Variants in UBB observed in about 807,000 individuals in gnomAD.
UBB encodes the protein polyubiquitin-B.
Under a neutral mutation model 12.5 loss-of-function variants are expected in UBB, and 11 were observed. The observed-to-expected ratio is 0.88, with a 90% CI of 0.55 to 1.45. The LOEUF (loss-of-function observed/expected upper bound fraction) is 1.45, where lower values mean the gene tolerates loss of function less well. UBB is among the 40% of genes most tolerant of loss of function. The pLI is 0.00. For synonymous variants in UBB, 168 were observed against 120.1 expected, an observed-to-expected ratio of 1.40 and a Z score of -2.61; for missense variants, 76 against 286.9, an observed-to-expected ratio of 0.26 and a Z score of 5.31.
Position 16,381,954 on chromosome 17 carries a change from A to G in UBB, c.47A>G (p.Glu16Gly). Residue 16 changes from glutamate to glycine, a missense_variant, in exon 2 of 2, where the codon GAG becomes GGG. Transcript: ENST00000302182. ...CTTACCGGCAAGACCATCACCCTTGAGGTGGAGCCCAGTGACACCATCGAA... is the reference window on the plus strand; with the variant it reads ...CTTACCGGCAAGACCATCACCCTTGGGGTGGAGCCCAGTGACACCATCGAA... ...KTLTGKTITL[E>G]VEPSDTIENV... 1 of 1,614,236 alleles carries G rather than the reference A, an allele frequency of 6.2e-7. No homozygotes were observed. Among genetic ancestry groups the G allele is most frequent in the Non-Finnish European group, 8.5e-7 (1 of 1,180,044 alleles).
chr17:16,381,593 A>T (rs1013885114), intron 1 of UBB: 4 of 422,320 alleles, frequency 9.5e-6, no homozygotes, highest in Admixed American at 3.7e-5. Context: ...TTTGCCTAAC[A>T]CCGTGCTTAG....
chr17:16,382,447 C>A lies in UBB; in HGVS notation c.540C>A (p.Ala180=). Residue 180 remains alanine, a synonymous_variant, in exon 2 of 2, where the codon GCC becomes GCA. Coordinates refer to ENST00000302182, the MANE Select transcript of UBB (RefSeq NM_018955.4). The part of the protein sequence containing the change: ...EPSDTIENVK[A]KIQDKEGIPP... ...GTGACACCATCGAAAATGTGAAGGCCAAGATCCAAGATAAAGAAGGCATCC... is the reference window on the plus strand; with the variant it reads ...GTGACACCATCGAAAATGTGAAGGCAAAGATCCAAGATAAAGAAGGCATCC... 6.2e-7 allele frequency: 1 copy of A among 1,611,230 alleles called. No homozygotes were observed. The highest frequency in any genetic ancestry group is 8.5e-7 in the Non-Finnish European group (1 of 1,179,426).
chr17:16,381,558 C>G, intron 1 of UBB: 1 of 295,526 alleles, frequency 3.4e-6, no homozygotes, highest in Non-Finnish European at 6.4e-6. Context: ...TTTCGCGAGT[C>G]TTGTGGGTTT....
rs145568298 is a variant in UBB at position 16,382,066 on chromosome 17, C to T, written c.159C>T (p.Gly53=). ...LIFAGKQLED[G]RTLSDYNIQK... ...TTGCAGGCAAGCAGCTGGAAGATGGCCGTACTCTTTCTGACTACAACATCC... is the reference window on the plus strand; with the variant it reads ...TTGCAGGCAAGCAGCTGGAAGATGGTCGTACTCTTTCTGACTACAACATCC... Residue 53 remains glycine (G), a synonymous_variant, in exon 2 of 2, where the codon GGC becomes GGT. Transcript: ENST00000302182. The T allele has an allele frequency of 1.4e-4, 230 of 1,609,824 alleles. No homozygotes were observed. Among genetic ancestry groups the T allele is most frequent in the Admixed American group, 4.7e-4 (28 of 59,240 alleles).
rs1336311155 is a variant in UBB at position 16,382,002 on chromosome 17, A to G, written c.95A>G (p.Asp32Gly). 6.2e-7 allele frequency: 1 copy of G among 1,613,178 alleles called. No individual in the cohort carries two copies. The highest frequency in any genetic ancestry group is 1.3e-5 in the African/African-American group (1 of 74,810). Residue 32 changes from aspartate to glycine, a missense_variant, in exon 2 of 2, where the codon GAT (aspartate) becomes GGT (glycine). Transcript: ENST00000302182. ...TIENVKAKIQDKEGIPPDQQR... is the reference protein window; with the variant it reads ...TIENVKAKIQGKEGIPPDQQR... ...GAAAATGTGAAGGCCAAGATCCAGG[A>G]TAAGGAAGGCATTCCCCCCGACCAG... is the stretch of plus-strand genomic sequence containing the variant.
Position 16,382,249 on chromosome 17 carries a change from C to G in UBB, c.342C>G (p.Pro114=), listed in dbSNP as rs757399321. Residue 114 remains proline, a synonymous_variant, in exon 2 of 2, where the codon CCC becomes CCG. Transcript: ENST00000302182. Reference sequence around the variant, plus strand: ...TCCAGGATAAAGAAGGCATCCCTCCCGACCAGCAGAGGCTCATCTTTGCAG... The same window carrying G: ...TCCAGGATAAAGAAGGCATCCCTCCGGACCAGCAGAGGCTCATCTTTGCAG... ...AKIQDKEGIP[P]DQQRLIFAGK... The G allele has an allele frequency of 5.0e-6, 8 of 1,610,302 alleles. No homozygotes were observed. In the East Asian group the frequency reaches 1.6e-4, roughly 31 times the overall value.
rs2142925947 is a variant in UBB at position 16,382,240 on chromosome 17, C to T, written c.333C>T (p.Gly111=). The change falls in exon 2 of 2, where the codon GGC becomes GGT. Residue 111 remains glycine, a synonymous_variant. Coordinates refer to ENST00000302182, the MANE Select transcript of UBB (RefSeq NM_018955.4). Reference sequence around the variant, plus strand: ...AGGCCAAGATCCAGGATAAAGAAGGCATCCCTCCCGACCAGCAGAGGCTCA... The same window carrying T: ...AGGCCAAGATCCAGGATAAAGAAGGTATCCCTCCCGACCAGCAGAGGCTCA... The part of the protein sequence containing the change: ...NVKAKIQDKE[G]IPPDQQRLIF... 1.2e-6 allele frequency: 2 copies of T among 1,611,278 alleles called. No individual in the cohort carries two copies. Among genetic ancestry groups the T allele is most frequent in the Non-Finnish European group, 1.7e-6 (2 of 1,179,560 alleles).
intron 1 of UBB, 92 bp from the exon 2 acceptor site, chr17:16,381,810 G>A (rs2093276454): frequency 1.1e-5 from 16 of 1,447,620 alleles, no homozygotes; most frequent in Non-Finnish European, 1.5e-5. Flanking sequence ...GCATTTTGAA[G>A]GAATAGTTGC....
At chr17:16,380,877 G>A (rs1264350159), upstream of UBB, 2 of 153,838 alleles carry the variant, frequency 1.3e-5, no homozygotes, top group African/African-American at 4.8e-5. Context: ...CCTAAAGAAG[G>A]AAGAGAAGCG....
chr17:16,381,079 C>A (rs1781331162), upstream of UBB: 2 of 153,458 alleles, frequency 1.3e-5, no homozygotes, highest in African/African-American at 4.8e-5. Context: ...TTGCGCTCCG[C>A]CAGCCCGGAG....
At position 16,382,453 on chromosome 17, in the gene UBB, C is replaced by G; in HGVS notation, c.546C>G (p.Ile182Met). ...CCATCGAAAATGTGAAGGCCAAGAT[C>G]CAAGATAAAGAAGGCATCCCCCCCG... is the stretch of plus-strand genomic sequence containing the variant. ...SDTIENVKAK[I>M]QDKEGIPPDQ... Residue 182 changes from isoleucine (I) to methionine (M), a missense_variant, in exon 2 of 2, where the codon ATC becomes ATG. Physicochemically the swap from Ile to Met is conservative, Grantham distance 10 (BLOSUM62 1). Transcript: ENST00000302182. 1 of 1,611,390 alleles carries G rather than the reference C, an allele frequency of 6.2e-7. No individual in the cohort carries two copies. The highest frequency in any genetic ancestry group is 1.1e-5 in the South Asian group (1 of 90,974).
At position 16,381,982 on chromosome 17, in the gene UBB, T is replaced by C. The variant is rs1338440835; in HGVS notation, c.75T>C (p.Asn25=). The change falls in exon 2 of 2, where the codon AAT becomes AAC. Residue 25 remains asparagine (N), a synonymous_variant. Transcript: ENST00000302182. ...LEVEPSDTIE[N]VKAKIQDKEG... ...TGGAGCCCAGTGACACCATCGAAAA[T>C]GTGAAGGCCAAGATCCAGGATAAGG... The C allele has an allele frequency of 1.2e-6, 2 of 1,612,454 alleles. No individual in the cohort carries two copies. Among genetic ancestry groups the C allele is most frequent in the Non-Finnish European group, 1.7e-6 (2 of 1,179,504 alleles).
intron 1 of UBB, chr17:16,381,682 A>G: frequency 1.6e-6 from 1 of 644,388 alleles, no homozygotes; most frequent in East Asian, 3.0e-5. Context: ...GACGCTTGGT[A>G]AGAGAGCGCT....
chr17:16,381,327 C>G (rs1179860959), intron 1 of UBB, 143 bp downstream of exon 1: 1 of 163,406 alleles, frequency 6.1e-6, no homozygotes, highest in Non-Finnish European at 1.3e-5. Flanking sequence ...GGCGCTGGGC[C>G]TTTCCGGGAC....
chr17:16,381,768 G>T, intron 1 of UBB, 134 bp from the exon 2 acceptor site: 1 of 1,184,066 alleles, frequency 8.4e-7, no homozygotes, highest in Non-Finnish European at 1.2e-6. Context: ...GTAAAATTGA[G>T]GGGAGGCTTG....
Position 16,382,613 on chromosome 17 carries a change from A to T in UBB, c.*16A>T, listed in dbSNP as rs116070441. On this transcript the variant is annotated 3_prime_UTR_variant, in exon 2 of 2. Coordinates refer to ENST00000302182, the MANE Select transcript of UBB (RefSeq NM_018955.4). Reference sequence around the variant, plus strand: ...TGGCTGTTAATTCTTCAGTCATGGCATTCGCAGTGCCCAGTGATGGCATTA... The same window carrying T: ...TGGCTGTTAATTCTTCAGTCATGGCTTTCGCAGTGCCCAGTGATGGCATTA... The T allele has an allele frequency of 7.6e-4, 1,223 of 1,613,670 alleles. 4 individuals are homozygous for T. Among genetic ancestry groups the T allele is most frequent in the African/African-American group, 5.9e-3 (446 of 75,034 alleles).
chr17:16,381,862 G>T (rs1347464498), intron 1 of UBB, 40 bp from the exon 2 acceptor site: 1 of 1,603,534 alleles, frequency 6.2e-7, no homozygotes, highest in East Asian at 2.2e-5. Context: ...GAAATACAAT[G>T]ATCCTGAGGT....
chr17:16,381,114 G>A lies in UBB; in HGVS notation c.-77G>A. On this transcript the variant is annotated 5_prime_UTR_variant, in exon 1 of 2. Coordinates refer to ENST00000302182, the MANE Select transcript of UBB (RefSeq NM_018955.4). ...GCATTTAGGGGCGGTTGGCTTTGTT[G>A]GGTGAGCTTGTTTGTGTCCCTGTGG... The A allele has an allele frequency of 6.5e-6, 1 of 152,732 alleles. No individual in the cohort carries two copies. The highest frequency in any genetic ancestry group is 1.9e-4 in the East Asian group (1 of 5,162). 9.5% of individuals were successfully genotyped at this position (152,732 alleles called of 1,614,324 possible).
At chr17:16,381,861 T>G in intron 1 of UBB, 41 bp from the exon 2 acceptor site, 1 of 1,600,962 alleles carries the variant, frequency 6.2e-7, no homozygotes, top group Non-Finnish European at 8.5e-7. Flanking sequence ...AGAAATACAA[T>G]GATCCTGAGG....
Sources: allele counts gnomAD v4.1 joint callset, GRCh38; gene constraint gnomAD v4.1.1; transcripts MANE v1.5; gene names NCBI Gene and HGNC (gene_info 2026-07-23, HGNC 2026-07-21).